Variants in SEMA3D observed in about 807,000 individuals in gnomAD.
The protein encoded by SEMA3D is semaphorin-3D.
SEMA3D carries 84 observed loss-of-function variants against 100.1 expected under a neutral mutation model. That is an observed-to-expected ratio of 0.84 (90% CI 0.70 to 1.01). The LOEUF is 1.01. SEMA3D is among the 50% of genes least tolerant of loss of function. The pLI, the probability that SEMA3D is intolerant of heterozygous loss-of-function variation, is 0.00. For missense variants in SEMA3D, 875 were observed against 934.1 expected, an observed-to-expected ratio of 0.94 and a Z score of 0.82; for synonymous variants, 312 against 320.7, an observed-to-expected ratio of 0.97 and a Z score of 0.29.
At chr7:85,199,167 A>G in the SEMA3D span, among the ~76,000 whole-genome samples, 1 of 152,058 alleles carries the variant, frequency 6.6e-6, no homozygotes, top group Non-Finnish European at 1.5e-5. Flanking sequence ...TATTGCTTGT[A>G]ATATTCATGG....
the SEMA3D span, among the ~76,000 whole-genome samples, chr7:85,200,972 C>A: frequency 2.0e-5 from 3 of 152,210 alleles, no homozygotes; most frequent in Non-Finnish European, 4.4e-5. Flanking sequence ...TTGCTAATTT[C>A]TCTTCTCTTT....
chr7:85,011,856 T>C (rs903525547), intron 17 of SEMA3D, among the ~76,000 whole-genome samples: 8 of 151,794 alleles, frequency 5.3e-5, no homozygotes, highest in African/African-American at 1.4e-4. Flanking sequence ...CCACCAGTTA[T>C]AGATTATGAA....
chr7:85,198,825 T>C, the SEMA3D span, among the ~76,000 whole-genome samples: 54 of 123,176 alleles, frequency 4.4e-4, no homozygotes, highest in African/African-American at 1.6e-3. Flanking sequence ...ATTATTTTCT[T>C]TTTGCTCCTT....
chr7:85,149,321 G>T (rs1790299791), intron 2 of SEMA3D, among the ~76,000 whole-genome samples: 2 of 152,066 alleles, frequency 1.3e-5, no homozygotes, highest in African/African-American at 4.8e-5. Context: ...GCCAGGCATG[G>T]TGGCACGTGC....
intron 16 of SEMA3D, among the ~76,000 whole-genome samples, chr7:85,013,417 G>T (rs1790012483): frequency 6.6e-6 from 1 of 151,496 alleles, no homozygotes; most frequent in African/African-American, 2.4e-5. Flanking sequence ...AGCTCAAATT[G>T]TTTTTCTCAT....
chr7:85,074,682 T>C (rs1457074984), intron 5 of SEMA3D, among the ~76,000 whole-genome samples: 1 of 151,836 alleles, frequency 6.6e-6, no homozygotes, highest in Non-Finnish European at 1.5e-5. Flanking sequence ...AGTGGTGCGA[T>C]CTTGGCTCAC....
intron 2 of SEMA3D, among the ~76,000 whole-genome samples, chr7:85,126,580 T>C (rs1488716714): frequency 2.0e-5 from 3 of 152,078 alleles, no homozygotes; most frequent in Non-Finnish European, 4.4e-5. Flanking sequence ...TATGCCTATC[T>C]CAGCATTAAA....
At chr7:85,022,273 T>G (rs1343112388) in intron 13 of SEMA3D, 118 bp downstream of exon 13, 12 of 686,430 alleles carry the variant, frequency 1.7e-5, no homozygotes, top group Non-Finnish European at 3.0e-5. Context: ...GCTGACAAGG[T>G]TTTATCTAAT....
At chr7:85,173,541 G>A (rs750410097) in intron 1 of SEMA3D, among the ~76,000 whole-genome samples, 7 of 152,098 alleles carry the variant, frequency 4.6e-5, no homozygotes, top group Non-Finnish European at 8.8e-5. Context: ...CCACCAAGGG[G>A]CTGTTCTTTG....
intron 2 of SEMA3D, among the ~76,000 whole-genome samples, chr7:85,134,513 A>T (rs1219532922): frequency 6.6e-6 from 1 of 152,054 alleles, no homozygotes. Flanking sequence ...TTTCCAAGTG[A>T]TAAGTAGATC....
chr7:85,243,403 A>G, the SEMA3D span, among the ~76,000 whole-genome samples: 2 of 152,098 alleles, frequency 1.3e-5, no homozygotes, highest in African/African-American at 4.8e-5. Flanking sequence ...TTCTCCAGCA[A>G]CTTGTCGATT....
At chr7:85,037,079 A>T (rs1790720485) in intron 11 of SEMA3D, 46 bp from the exon 12 acceptor site, 1 of 1,585,240 alleles carries the variant, frequency 6.3e-7, no homozygotes, top group Admixed American at 1.7e-5. Flanking sequence ...TGATGAATTC[A>T]ATAAACATTG....
At chr7:85,091,223 G>A (rs933369054) in intron 4 of SEMA3D, among the ~76,000 whole-genome samples, 1 of 150,804 alleles carries the variant, frequency 6.6e-6, no homozygotes, top group Non-Finnish European at 1.5e-5. Context: ...AGGGAAGGAA[G>A]GAGAAAGAGA....
chr7:85,020,202 T>G (rs1164328812), intron 14 of SEMA3D, 31 bp downstream of exon 14: 1 of 1,483,400 alleles, frequency 6.7e-7, no homozygotes, highest in Non-Finnish European at 9.4e-7. Flanking sequence ...TTTCAACATC[T>G]TTTCTCCTGG....
At chr7:85,225,065 TA>T in the SEMA3D span, among the ~76,000 whole-genome samples, 52 of 4,306 alleles carry the variant, frequency 0.012, 1 homozygote, top group African/African-American at 0.032. Context: ...TATATATATA[TA>T]TATATATATA....
intron 8 of SEMA3D, among the ~76,000 whole-genome samples, chr7:85,059,722 A>G (rs1215246675): frequency 1.3e-5 from 2 of 152,206 alleles, no homozygotes; most frequent in Non-Finnish European, 1.5e-5. Context: ...CAATCACTCA[A>G]ATGGGAGAAG....
intron 1 of SEMA3D, among the ~76,000 whole-genome samples, chr7:85,167,050 G>T (rs1790924928): frequency 6.6e-6 from 1 of 151,836 alleles, no homozygotes; most frequent in Non-Finnish European, 1.5e-5. Context: ...CAAACGTATT[G>T]GCCTTAGAGA....
the SEMA3D span, among the ~76,000 whole-genome samples, chr7:85,213,432 G>A: frequency 1.3e-5 from 2 of 151,970 alleles, no homozygotes; most frequent in Non-Finnish European, 2.9e-5. Flanking sequence ...TATCAGATGA[G>A]CTAAATATTA....
At chr7:85,217,106 C>A in the SEMA3D span, among the ~76,000 whole-genome samples, 1 of 151,956 alleles carries the variant, frequency 6.6e-6, no homozygotes, top group Admixed American at 6.6e-5. Context: ...TATATAAAGA[C>A]ATAATACAAA....
Sources: gnomAD v4.1 joint callset for allele counts (sites outside exome capture counted in the v4.1 genomes callset) on GRCh38, gnomAD v4.1.1 for gene constraint, MANE v1.5 for transcripts, NCBI Gene and HGNC (gene_info 2026-07-23, HGNC 2026-07-21) for gene names.